The following PCDHGC4 variants were observed in gnomAD, a reference collection of about 807,000 sequenced individuals.
PCDHGC4 encodes the protein protocadherin gamma-C4.
In PCDHGC4, 15 loss-of-function variants were observed where a neutral mutation model predicts 59.7. The observed-to-expected ratio is 0.25, with a 90% CI of 0.17 to 0.39. The LOEUF (loss-of-function observed/expected upper bound fraction) is 0.39. Ranked by LOEUF, PCDHGC4 falls within the 10% of genes least tolerant of loss-of-function variation. The pLI, the probability that PCDHGC4 is intolerant of heterozygous loss-of-function variation, is 1.00. For synonymous variants in PCDHGC4, 434 were observed against 481.4 expected (o/e 0.90, Z 1.29); for missense variants, 1,016 against 1,189.5 (o/e 0.85, Z 2.15).
At chr5:141,500,185 TTTA>T (rs549090582) in intron 2 of PCDHGC4, among the ~76,000 whole-genome samples, 1 of 55,104 alleles carries the variant, frequency 1.8e-5, no homozygotes, top group Non-Finnish European at 3.2e-5. Flanking sequence ...CATTTTTATT[TTTA>T]TTTATTTATT....
Position 141,489,276 on chromosome 5 carries a change from A to G in PCDHGC4, c.2442+1661A>G. 6.4e-7 allele frequency: 1 copy of G among 1,556,122 alleles called. No homozygotes were observed. Among genetic ancestry groups the G allele is most frequent in the Non-Finnish European group, 8.7e-7 (1 of 1,151,562 alleles). On this transcript the variant is annotated intron_variant, in intron 1 of 3. Coordinates refer to ENST00000306593, the MANE Select transcript of PCDHGC4 (RefSeq NM_018928.3). The surrounding 1 kb of genome is among the most constrained non-coding windows in gnomAD (Gnocchi z 4.5). ...AGACACTCCCACAGCTCGCTGGGAA[A>G]TGGCAAGTGCTGTGCATGTTGTCCT...
chr5:141,487,623 C>T lies in PCDHGC4; in HGVS notation c.2442+8C>T, dbSNP rs2099654624. On this transcript the variant is annotated splice_region_variant and intron_variant, in intron 1 of 3. Coordinates refer to ENST00000306593, the MANE Select transcript of PCDHGC4 (RefSeq NM_018928.3). This position sits in a 1 kb window ranked among gnomAD's most constrained non-coding sequence, Gnocchi z 5.0. The stretch of plus-strand genomic sequence containing the variant: ...CTTCTCTATGGGCTAGAGGTGAGAC[C>T]TTTGCAGGCTCAACAAATGCTTGAG... 6.2e-7 allele frequency: 1 copy of T among 1,614,088 alleles called. No individual in the cohort carries two copies. The highest frequency in any genetic ancestry group is 1.3e-5 in the African/African-American group (1 of 74,930).
At position 141,491,828 on chromosome 5, in the gene PCDHGC4, G is replaced by C. The variant is rs1389234164; in HGVS notation, c.2443-2979G>C. ...CTTGGTCGCTGGCTGCGCTCCACCC[G>C]ATTCTCGGGATCATTGGACCGTTTG... On this transcript the variant is annotated intron_variant, in intron 1 of 3. Coordinates refer to ENST00000306593, the MANE Select transcript of PCDHGC4 (RefSeq NM_018928.3). The surrounding 1 kb of genome is among the most constrained non-coding windows in gnomAD (Gnocchi z 6.9). 4.1e-6 allele frequency: 6 copies of C among 1,475,668 alleles called. No homozygotes were observed. The highest frequency in any genetic ancestry group is 5.4e-6 in the Non-Finnish European group (6 of 1,113,522). 91.4% of individuals were successfully genotyped at this position (1,475,668 alleles called of 1,614,324 possible).
chr5:141,494,784 C>T, intron 1 of PCDHGC4, 23 bp from the exon 2 acceptor site: 1 of 1,614,110 alleles, frequency 6.2e-7, no homozygotes, highest in Non-Finnish European at 8.5e-7. Flanking sequence ...TACTCAGCCC[C>T]TTTCCCTCTG....
Position 141,491,858 on chromosome 5 carries a change from A to G in PCDHGC4, c.2443-2949A>G, listed in dbSNP as rs17208425. 297,575 of 1,456,446 alleles carry G rather than the reference A, an allele frequency of 0.2. 31,644 individuals are homozygous for G. The highest frequency in any genetic ancestry group is 0.33 in the Admixed American group (11,758 of 35,494). 90.2% of individuals were successfully genotyped at this position (1,456,446 alleles called of 1,614,324 possible). On this transcript the variant is annotated intron_variant, in intron 1 of 3. Transcript: ENST00000306593. This position sits in a 1 kb window ranked among gnomAD's most constrained non-coding sequence, Gnocchi z 6.9. ...TCGGGATCATTGGACCGTTTGCGCG[A>G]AACCAGAGTGGCCGATTAAGGGATG... is the stretch of plus-strand genomic sequence containing the variant.
chr5:141,489,060 TC>T lies in PCDHGC4; in HGVS notation c.2442+1451del, dbSNP rs1037208652. 41 of 300,146 alleles carry T rather than the reference TC, an allele frequency of 1.4e-4. No individual in the cohort carries two copies. The highest frequency in any genetic ancestry group is 2.3e-4 in the Non-Finnish European group (38 of 162,914). The allele number at this position is 300,146 out of a possible 1,614,324, so 18.6% of individuals were successfully genotyped here. A position where few individuals can be genotyped will look rare whatever the true frequency, so the allele number is the denominator to read the frequency against. On this transcript the variant is annotated intron_variant, in intron 1 of 3. Coordinates refer to ENST00000306593, the MANE Select transcript of PCDHGC4 (RefSeq NM_018928.3). This position sits in a 1 kb window ranked among gnomAD's most constrained non-coding sequence, Gnocchi z 4.5. ...CAGCTCCACTCAAATTCAGCTCCCC[TC>T]CCCCCTGCCCACCCCCGCCACTCGG...
chr5:141,494,546 G>A (rs984336435), intron 1 of PCDHGC4, among the ~76,000 whole-genome samples: 7 of 152,152 alleles, frequency 4.6e-5, no homozygotes, highest in African/African-American at 1.2e-4. Context: ...GGAGGAAGGG[G>A]CCATTTCTTT....
Position 141,485,072 on chromosome 5 carries a change from G to C in PCDHGC4, c.-102G>C. 1.1e-6 allele frequency: 1 copy of C among 917,012 alleles called. No individual in the cohort carries two copies. The highest frequency in any genetic ancestry group is 1.7e-6 in the Non-Finnish European group (1 of 587,880). 56.8% of individuals were successfully genotyped at this position (917,012 alleles called of 1,614,324 possible). On this transcript the variant is annotated 5_prime_UTR_variant, in exon 1 of 4. Coordinates refer to ENST00000306593, the MANE Select transcript of PCDHGC4 (RefSeq NM_018928.3). The surrounding 1 kb of genome is among the most constrained non-coding windows in gnomAD (Gnocchi z 5.7). ...CCGGCCGAACCGCGCCAGAGCTGGCGCGGGGAAAGGGAGATAGGTGTCTCC... is the reference window on the plus strand; with the variant it reads ...CCGGCCGAACCGCGCCAGAGCTGGCCCGGGGAAAGGGAGATAGGTGTCTCC...
chr5:141,486,405 G>A lies in PCDHGC4; in HGVS notation c.1232G>A (p.Gly411Glu). 6.2e-7 allele frequency: 1 copy of A among 1,614,114 alleles called. No homozygotes were observed. The highest frequency in any genetic ancestry group is 2.2e-5 in the East Asian group (1 of 44,862). The change falls in exon 1 of 4, where the codon GGA becomes GAA. Residue 411 changes from glycine (G) to glutamate (E), a missense_variant. Transcript: ENST00000306593. The surrounding 1 kb of genome is among the most constrained non-coding windows in gnomAD (Gnocchi z 5.0). ...AACCAGTTCTCCCTGGTGACTGCTG[G>A]ACCCTTGGATCGAGAGGCCAAATCT... The part of the protein sequence containing the change: ...FRNQFSLVTA[G>E]PLDREAKSSY...
rs532907359 is a variant in PCDHGC4, at chr5:141,500,353, C to T, written c.2502-5040C>T. 1.9e-4 allele frequency among the ~76,000 whole-genome samples: 29 copies of T among 152,052 alleles called. No homozygotes were observed. The East Asian group carries it at 5.2e-3, about 27-fold the overall frequency. The stretch of plus-strand genomic sequence containing the variant: ...CCTCCAGAATAGCTGGGACTACAGG[C>T]GCCCACTACCACGCCCGGCTAATTA... On this transcript the variant is annotated intron_variant, in intron 2 of 3. Transcript: ENST00000306593.
chr5:141,501,327 AC>A (rs1208116606), intron 2 of PCDHGC4, among the ~76,000 whole-genome samples: 2 of 151,364 alleles, frequency 1.3e-5, no homozygotes, highest in Non-Finnish European at 2.9e-5. Context: ...ACACACACAC[AC>A]ACACACCCCA....
chr5:141,499,932 C>A (rs1169727162), intron 2 of PCDHGC4, among the ~76,000 whole-genome samples: 1 of 152,076 alleles, frequency 6.6e-6, no homozygotes, highest in Non-Finnish European at 1.5e-5. Context: ...AAGTGATCCA[C>A]CCTCCTCGGC....
intron 2 of PCDHGC4, among the ~76,000 whole-genome samples, chr5:141,498,371 C>T (rs188547878): frequency 6.6e-6 from 1 of 151,838 alleles, no homozygotes; most frequent in Admixed American, 6.6e-5. Flanking sequence ...TGTGGTGAGG[C>T]CTCCTGGGAT....
chr5:141,504,461 C>T (rs1485490028), intron 2 of PCDHGC4, among the ~76,000 whole-genome samples: 1 of 151,900 alleles, frequency 6.6e-6, no homozygotes, highest in Non-Finnish European at 1.5e-5. Flanking sequence ...GTGGGGCAGC[C>T]GCTGGGATGG....
Position 141,486,682 on chromosome 5 carries a change from A to C in PCDHGC4, c.1509A>C (p.Ser503=), listed in dbSNP as rs781547951. 1.4e-5 allele frequency: 22 copies of C among 1,614,064 alleles called. No individual in the cohort carries two copies. The African/African-American group carries it at 2.3e-4, about 17-fold the overall frequency. ...SLLEPRNRDV[S]ASSFISLNPQ... is the part of the protein sequence containing the mutation. ...TGGAGCCCAGGAATCGAGATGTATC[A>C]GCTTCCTCTTTCATCTCTCTGAACC... The change falls in exon 1 of 4, where the codon TCA becomes TCC. Residue 503 remains serine, a synonymous_variant. Coordinates refer to ENST00000306593, the MANE Select transcript of PCDHGC4 (RefSeq NM_018928.3). The surrounding 1 kb of genome is among the most constrained non-coding windows in gnomAD (Gnocchi z 5.0).
At position 141,491,899 on chromosome 5, in the gene PCDHGC4, G is replaced by A; in HGVS notation, c.2443-2908G>A. The A allele has an allele frequency of 7.0e-7, 1 of 1,433,322 alleles. No homozygotes were observed. Among genetic ancestry groups the A allele is most frequent in the South Asian group, 1.5e-5 (1 of 67,156 alleles). The allele number at this position is 1,433,322 out of a possible 1,614,324, so 88.8% of individuals were successfully genotyped here. A position where few individuals can be genotyped will look rare whatever the true frequency, so the allele number is the denominator to read the frequency against. On this transcript the variant is annotated intron_variant, in intron 1 of 3. Coordinates refer to ENST00000306593, the MANE Select transcript of PCDHGC4 (RefSeq NM_018928.3). The surrounding 1 kb of genome is among the most constrained non-coding windows in gnomAD (Gnocchi z 6.9). ...TTAAGGGATGGGGCTCCGAGCACCG[G>A]GGGTGGTGGCGACTGTGGGCGAGGG... is the stretch of plus-strand genomic sequence containing the variant.
At chr5:141,507,537 C>CA (rs140454890) in intron 3 of PCDHGC4, among the ~76,000 whole-genome samples, 3,617 of 152,286 alleles carry the variant, frequency 0.024, 53 homozygotes, top group East Asian at 0.043. Context: ...AGGCCAGAGA[C>CA]TGAGTATGAA....
intron 3 of PCDHGC4, among the ~76,000 whole-genome samples, chr5:141,510,203 G>A (rs1164886289): frequency 6.6e-6 from 1 of 151,680 alleles, no homozygotes; most frequent in Non-Finnish European, 1.5e-5. Flanking sequence ...AGCCCAGGAG[G>A]CAGAGGTTGC....
chr5:141,508,721 G>A (rs1266581528), intron 3 of PCDHGC4, among the ~76,000 whole-genome samples: 1 of 151,930 alleles, frequency 6.6e-6, no homozygotes, highest in Non-Finnish European at 1.5e-5. Flanking sequence ...TCTGTGTGCA[G>A]GGAGACTACA....
Sources: allele counts gnomAD v4.1 joint callset (sites outside exome capture counted in the v4.1 genomes callset), GRCh38; gene constraint gnomAD v4.1.1; non-coding constraint Gnocchi (gnomAD v3.1); transcripts MANE v1.5; gene names NCBI Gene and HGNC (gene_info 2026-07-23, HGNC 2026-07-21).